NR6A1: variants seen among roughly 807,000 people sequenced by gnomAD.
NR6A1 encodes retinoic acid receptor-related testis-associated receptor.
In NR6A1, 7 loss-of-function variants were observed where a neutral mutation model predicts 59.1. The ratio of observed to expected loss-of-function variants is 0.12; its 90% CI spans 0.07 to 0.22. NR6A1 has a LOEUF of 0.22. Among genes scored for constraint, NR6A1 ranks in the 10% least tolerant of loss-of-function variants. The pLI is 1.00. For synonymous variants in NR6A1, 243 were observed against 236.1 expected, an observed-to-expected ratio of 1.03 and a Z score of -0.27; for missense variants, 468 against 611.6, an observed-to-expected ratio of 0.77 and a Z score of 2.48.
At chr9:124,677,950 C>G (rs1033057197) in intron 2 of NR6A1, among the ~76,000 whole-genome samples, 2 of 152,094 alleles carry the variant, frequency 1.3e-5, no homozygotes, top group African/African-American at 4.8e-5. Flanking sequence ...GGACAGAAGA[C>G]TCAGAATGCT....
intron 2 of NR6A1, among the ~76,000 whole-genome samples, chr9:124,717,760 C>T (rs1839446578): frequency 6.6e-6 from 1 of 152,202 alleles, no homozygotes; most frequent in Non-Finnish European, 1.5e-5. Context: ...TGGGATCACA[C>T]AGGGTTCATC....
intron 2 of NR6A1, among the ~76,000 whole-genome samples, chr9:124,622,057 T>C (rs544618150): frequency 2.0e-4 from 31 of 151,838 alleles, no homozygotes; most frequent in Non-Finnish European, 3.8e-4. Flanking sequence ...CTAACAAAAA[T>C]ACAAAAAAAT....
intron 8 of NR6A1, 101 bp downstream of exon 8, chr9:124,526,678 T>C: frequency 6.6e-7 from 1 of 1,522,178 alleles, no homozygotes; most frequent in Non-Finnish European, 9.0e-7. Flanking sequence ...ATGGATTCTG[T>C]GTGATAGTCC....
chr9:124,727,848 T>C (rs536511580), intron 2 of NR6A1, among the ~76,000 whole-genome samples: 1 of 151,284 alleles, frequency 6.6e-6, no homozygotes, highest in Non-Finnish European at 1.5e-5. Flanking sequence ...CCATGGCCAG[T>C]TTATTTTTTG....
chr9:124,616,032 G>C (rs958139464), intron 2 of NR6A1, among the ~76,000 whole-genome samples: 1 of 151,904 alleles, frequency 6.6e-6, no homozygotes. Flanking sequence ...GCTCATTTCT[G>C]TTTTAAAACC....
intron 2 of NR6A1, among the ~76,000 whole-genome samples, chr9:124,704,344 C>G (rs1159275703): frequency 6.6e-6 from 1 of 152,156 alleles, no homozygotes; most frequent in Non-Finnish European, 1.5e-5. Flanking sequence ...TGGTTTTGTG[C>G]TTTCCATTTC....
intron 3 of NR6A1, among the ~76,000 whole-genome samples, chr9:124,549,764 C>A (rs1313891178): frequency 1.3e-5 from 2 of 152,122 alleles, no homozygotes; most frequent in African/African-American, 4.8e-5. Flanking sequence ...CCCATACACC[C>A]TCCTCCTTTT....
At chr9:124,642,588 C>A (rs912928395) in intron 2 of NR6A1, among the ~76,000 whole-genome samples, 1 of 152,098 alleles carries the variant, frequency 6.6e-6, no homozygotes, top group African/African-American at 2.4e-5. Flanking sequence ...TATCCCCTGT[C>A]GTGACAACCA....
intron 2 of NR6A1, among the ~76,000 whole-genome samples, chr9:124,718,751 A>G (rs1017269271): frequency 1.5e-4 from 23 of 151,062 alleles, no homozygotes; most frequent in Admixed American, 1.3e-3. Context: ...ATCCTACTGC[A>G]TGAATAACCA....
At chr9:124,614,495 G>A (rs1452362945) in intron 2 of NR6A1, among the ~76,000 whole-genome samples, 1 of 152,140 alleles carries the variant, frequency 6.6e-6, no homozygotes, top group East Asian at 1.9e-4. Flanking sequence ...CAGATTAGCT[G>A]TTTGTCCTAT....
chr9:124,596,662 C>T (rs901743599), intron 2 of NR6A1, among the ~76,000 whole-genome samples: 2 of 152,210 alleles, frequency 1.3e-5, no homozygotes, highest in African/African-American at 2.4e-5. Flanking sequence ...AGATCTTAAA[C>T]AATCATCATG....
chr9:124,578,630 T>C (rs1167469512), intron 2 of NR6A1, among the ~76,000 whole-genome samples: 2 of 152,228 alleles, frequency 1.3e-5, no homozygotes, highest in African/African-American at 4.8e-5. Context: ...CATGACCATT[T>C]AGTCTACTAA....
chr9:124,732,821 C>G (rs192989843), intron 2 of NR6A1, among the ~76,000 whole-genome samples: 158 of 152,050 alleles, frequency 1.0e-3, no homozygotes, highest in African/African-American at 3.4e-3. Flanking sequence ...CTCAGCCTCC[C>G]GAGTAGCTGG....
intron 2 of NR6A1, among the ~76,000 whole-genome samples, chr9:124,717,063 T>C (rs1254020343): frequency 6.6e-6 from 1 of 152,206 alleles, no homozygotes; most frequent in Non-Finnish European, 1.5e-5. Context: ...TCAATCCTAT[T>C]ACAATGCTCA....
chr9:124,725,905 T>C (rs771256599), intron 2 of NR6A1, among the ~76,000 whole-genome samples: 2 of 152,226 alleles, frequency 1.3e-5, no homozygotes, highest in Non-Finnish European at 2.9e-5. Context: ...ATGATCAAAG[T>C]ATAGTGTGTA....
chr9:124,548,717 T>C (rs1332429384), intron 3 of NR6A1, among the ~76,000 whole-genome samples: 1 of 152,224 alleles, frequency 6.6e-6, no homozygotes, highest in Non-Finnish European at 1.5e-5. Flanking sequence ...AATGCCATTC[T>C]GCAAACATCA....
chr9:124,722,727 T>G (rs769301175), intron 2 of NR6A1, among the ~76,000 whole-genome samples: 11 of 152,086 alleles, frequency 7.2e-5, no homozygotes, highest in Non-Finnish European at 1.5e-4. Flanking sequence ...TTAATTTACG[T>G]TTTTTCTGAG....
chr9:124,526,992 G>A (rs2131323220), intron 7 of NR6A1, 92 bp from the exon 8 acceptor site: 1 of 1,487,320 alleles, frequency 6.7e-7, no homozygotes, highest in Admixed American at 1.8e-5. Context: ...TCCTTAAACA[G>A]GCTGAGCTTG....
intron 2 of NR6A1, among the ~76,000 whole-genome samples, chr9:124,615,991 C>G (rs1295613215): frequency 2.0e-5 from 3 of 151,990 alleles, no homozygotes; most frequent in Non-Finnish European, 4.4e-5. Context: ...CCTCACAAAG[C>G]TGGGATTACA....
Sources: allele counts gnomAD v4.1 joint callset (sites outside exome capture counted in the v4.1 genomes callset), GRCh38; gene constraint gnomAD v4.1.1; transcripts MANE v1.5; gene names NCBI Gene and HGNC (gene_info 2026-07-23, HGNC 2026-07-21).